The following MGAT4C variants were observed in gnomAD, a reference collection of about 807,000 sequenced individuals.
MGAT4C encodes the protein alpha-1,3-mannosyl-glycoprotein 4-beta-N-acetylglucosaminyltransferase C.
Under a neutral mutation model 40.1 loss-of-function variants are expected in MGAT4C, and 19 were observed. The ratio of observed to expected loss-of-function variants is 0.47; its 90% confidence interval spans 0.33 to 0.70. MGAT4C has a LOEUF of 0.70. Among genes scored for constraint, MGAT4C ranks in the 30% least tolerant of loss-of-function variants. The pLI is 0.02. For synonymous variants in MGAT4C, 181 were observed against 187.1 expected, an observed-to-expected ratio of 0.97 and a Z score of 0.27; for missense variants, 491 against 563.2, an observed-to-expected ratio of 0.87 and a Z score of 1.30.
chr12:85,999,052 A>G (rs1226399443), intron 2 of MGAT4C, among the ~76,000 whole-genome samples: 2 of 152,194 alleles, frequency 1.3e-5, no homozygotes, highest in African/African-American at 4.8e-5. Context: ...AACATGGTGG[A>G]AGGCAAGAAA....
chr12:86,674,773 T>C (rs1593102659), intron 2 of MGAT4C, among the ~76,000 whole-genome samples: 1 of 152,154 alleles, frequency 6.6e-6, no homozygotes, highest in African/African-American at 2.4e-5. Flanking sequence ...AGTACACACA[T>C]GTTTATTTTA....
chr12:86,465,738 G>A (rs1180124959), intron 2 of MGAT4C, among the ~76,000 whole-genome samples: 4 of 152,158 alleles, frequency 2.6e-5, no homozygotes, highest in Non-Finnish European at 5.9e-5. Flanking sequence ...ACTAAATGCT[G>A]GCAAGGATGT....
chr12:86,372,059 T>C (rs1955725492), intron 3 of MGAT4C, among the ~76,000 whole-genome samples: 1 of 151,882 alleles, frequency 6.6e-6, no homozygotes, highest in African/African-American at 2.4e-5. Flanking sequence ...AAATATACTA[T>C]ATCAAATAAA....
intron 2 of MGAT4C, among the ~76,000 whole-genome samples, chr12:86,522,088 C>G (rs924201522): frequency 6.6e-6 from 1 of 152,032 alleles, no homozygotes; most frequent in Non-Finnish European, 1.5e-5. Context: ...TTTGGATGCC[C>G]TTTATCTCTT....
intron 2 of MGAT4C, among the ~76,000 whole-genome samples, chr12:86,499,826 ACTT>A (rs1264909034): frequency 1.3e-5 from 2 of 152,000 alleles, no homozygotes; most frequent in East Asian, 3.9e-4. Flanking sequence ...AAATAAAAAT[ACTT>A]CTTCAAAAAT....
chr12:86,467,760 A>G (rs1957702538), intron 2 of MGAT4C, among the ~76,000 whole-genome samples: 1 of 152,102 alleles, frequency 6.6e-6, no homozygotes, highest in Non-Finnish European at 1.5e-5. Context: ...AGAAATGTTT[A>G]TCTTTTTTAC....
chr12:86,161,765 G>A (rs1420327228), intron 1 of MGAT4C, among the ~76,000 whole-genome samples: 1 of 152,034 alleles, frequency 6.6e-6, no homozygotes, highest in East Asian at 1.9e-4. Context: ...ATTCGACAAA[G>A]GCCTAATACT....
At chr12:86,392,436 C>A (rs910824125) in intron 3 of MGAT4C, among the ~76,000 whole-genome samples, 8 of 152,162 alleles carry the variant, frequency 5.3e-5, no homozygotes, top group Admixed American at 5.2e-4. Context: ...TGCACCACTG[C>A]ACTCCAGCCT....
At chr12:86,654,353 T>C (rs76935411) in intron 2 of MGAT4C, among the ~76,000 whole-genome samples, 1 of 148,076 alleles carries the variant, frequency 6.8e-6, no homozygotes, top group Non-Finnish European at 1.5e-5. Flanking sequence ...TTTTTTTTTT[T>C]CCTGACAACA....
At chr12:86,314,339 G>T (rs1332952884) in intron 4 of MGAT4C, among the ~76,000 whole-genome samples, 1 of 152,108 alleles carries the variant, frequency 6.6e-6, no homozygotes, top group Non-Finnish European at 1.5e-5. Flanking sequence ...GGCAGATCAC[G>T]AGGTCAAGAG....
chr12:86,708,779 C>T (rs530074875), intron 2 of MGAT4C, among the ~76,000 whole-genome samples: 8 of 152,138 alleles, frequency 5.3e-5, no homozygotes, highest in Non-Finnish European at 1.2e-4. Flanking sequence ...TTTCATGGGG[C>T]CTGAAACCTC....
intron 3 of MGAT4C, among the ~76,000 whole-genome samples, chr12:86,368,927 T>C (rs76149462): frequency 9.3e-4 from 142 of 152,174 alleles, no homozygotes; most frequent in African/African-American, 3.4e-3. Flanking sequence ...TGTTTCCTTA[T>C]TGATTTTCTG....
intron 4 of MGAT4C, among the ~76,000 whole-genome samples, chr12:86,268,379 GTTAC>G (rs996314773): frequency 5.3e-5 from 8 of 151,878 alleles, no homozygotes; most frequent in Non-Finnish European, 1.2e-4. Context: ...TCACAAAAGA[GTTAC>G]TTACTATGTC....
chr12:86,761,683 G>A (rs73179386), intron 1 of MGAT4C, among the ~76,000 whole-genome samples: 1 of 152,006 alleles, frequency 6.6e-6, no homozygotes, highest in Non-Finnish European at 1.5e-5. Flanking sequence ...ACTTTTTAGT[G>A]GTAACTTCTA....
At chr12:86,440,408 C>A (rs1043280524) in intron 2 of MGAT4C, among the ~76,000 whole-genome samples, 1 of 151,740 alleles carries the variant, frequency 6.6e-6, no homozygotes, top group African/African-American at 2.4e-5. Flanking sequence ...CATAGAAAAG[C>A]CATTCAATAA....
intron 4 of MGAT4C, among the ~76,000 whole-genome samples, chr12:86,266,725 T>C (rs1436273080): frequency 6.6e-6 from 1 of 152,192 alleles, no homozygotes; most frequent in Admixed American, 6.5e-5. Flanking sequence ...TAGTTCTTCA[T>C]ACCTTTGGTA....
intron 2 of MGAT4C, among the ~76,000 whole-genome samples, chr12:86,020,132 T>C (rs1013990463): frequency 6.6e-6 from 1 of 152,186 alleles, no homozygotes; most frequent in Non-Finnish European, 1.5e-5. Context: ...TCATGTCATC[T>C]GCAAACAGGG....
chr12:86,344,341 T>C (rs919958048), intron 3 of MGAT4C, among the ~76,000 whole-genome samples: 26 of 152,216 alleles, frequency 1.7e-4, no homozygotes, highest in Non-Finnish European at 3.4e-4. Flanking sequence ...CACAAGGGAC[T>C]TTGCTTTTAA....
intron 2 of MGAT4C, among the ~76,000 whole-genome samples, chr12:86,446,319 G>A (rs1342511202): frequency 6.6e-6 from 1 of 151,752 alleles, no homozygotes; most frequent in East Asian, 1.9e-4. Flanking sequence ...ACTCATCCCA[G>A]GAAAGCTGCT....
Sources: allele counts gnomAD v4.1 joint callset (sites outside exome capture counted in the v4.1 genomes callset), GRCh38; gene constraint gnomAD v4.1.1; transcripts MANE v1.5; gene names NCBI Gene and HGNC (gene_info 2026-07-23, HGNC 2026-07-21).